The following CEP97 variants were observed in gnomAD, a reference collection of about 807,000 sequenced individuals.
The protein encoded by CEP97 is centrosomal protein 97.
Under a neutral mutation model 73.1 loss-of-function variants are expected in CEP97, and 43 were observed. That is an observed-to-expected ratio of 0.59 (90% CI 0.46 to 0.76). CEP97 has a LOEUF of 0.76. Ranked by LOEUF, CEP97 falls within the 30% of genes least tolerant of loss-of-function variation. The pLI is 0.00. For missense variants in CEP97, 939 were observed against 1,014.0 expected (o/e 0.93, Z 1.00); for synonymous variants, 337 against 370.0 (o/e 0.91, Z 1.02).
intron 6 of CEP97, among the ~76,000 whole-genome samples, chr3:101,740,724 G>T (rs769962508): frequency 1.8e-4 from 27 of 152,142 alleles, no homozygotes; most frequent in Admixed American, 1.0e-3. Flanking sequence ...CTAGTAGCTG[G>T]GATTACAGGC....
In CEP97 at chr3:101,738,011, C is replaced by CAAAAAAAAAA. The variant is rs770745532; in HGVS notation, c.728+5371_728+5380dup. ...GAATATTTACCAAACAAATGGAAAGCAAAAAAAAAAAAAAAAAAAAAAAGC... is the reference window on the plus strand; with the variant it reads ...GAATATTTACCAAACAAATGGAAAGCAAAAAAAAAAAAAAAAAAAAAAAAAAAAAAAAAGC... On this transcript the variant is annotated intron_variant, in intron 6 of 10. Transcript: ENST00000341893. 5.0e-4 allele frequency among the ~76,000 whole-genome samples: 22 copies of CAAAAAAAAAA among 44,222 alleles called. 1 individual carries two copies. The highest frequency in any genetic ancestry group is 6.5e-4 in the Admixed American group (2 of 3,090). The allele number at this position is 44,222 out of a possible 152,430, so 29.0% of individuals were successfully genotyped here.
intron 1 of CEP97, 69 bp from the exon 2 acceptor site, chr3:101,726,525 G>A (rs777012775): frequency 3.0e-5 from 35 of 1,154,728 alleles, no homozygotes; most frequent in Admixed American, 2.6e-4. Context: ...TATAATTCCA[G>A]CCCTATGCTT....
intron 2 of CEP97, among the ~76,000 whole-genome samples, chr3:101,726,960 A>G (rs1327970224): frequency 6.6e-6 from 1 of 152,192 alleles, no homozygotes; most frequent in Non-Finnish European, 1.5e-5. Context: ...TTATTTTGCA[A>G]AATACTGTGT....
chr3:101,748,151 A>AAG (rs1392023302), intron 6 of CEP97, among the ~76,000 whole-genome samples: 6 of 150,450 alleles, frequency 4.0e-5, no homozygotes, highest in African/African-American at 1.2e-4. Context: ...AAAAAAAAAA[A>AAG]AAAGATTAAT....
At chr3:101,757,325 C>T in intron 8 of CEP97, 129 bp downstream of exon 8, 7 of 978,514 alleles carry the variant, frequency 7.2e-6, no homozygotes, top group Non-Finnish European at 1.0e-5. Flanking sequence ...TCATTTAGAT[C>T]TTATACATAT....
chr3:101,749,344 A>G (rs1576690481), intron 6 of CEP97, among the ~76,000 whole-genome samples: 1 of 148,220 alleles, frequency 6.7e-6, no homozygotes, highest in Admixed American at 6.8e-5. Flanking sequence ...TTATGGCTGC[A>G]TAGTATTCCA....
intron 10 of CEP97, among the ~76,000 whole-genome samples, chr3:101,763,423 G>T (rs552444419): frequency 1.3e-5 from 2 of 151,496 alleles, no homozygotes; most frequent in African/African-American, 2.4e-5. Context: ...CAGCACTAGC[G>T]CATTACAGCC....
At chr3:101,758,492 A>G (rs1343361273) in intron 9 of CEP97, 69 bp downstream of exon 9, 12 of 1,550,034 alleles carry the variant, frequency 7.7e-6, no homozygotes, top group Middle Eastern at 3.4e-4. Context: ...TAGTTGATTC[A>G]GAACACTGTG....
chr3:101,735,849 C>T (rs545559167), intron 6 of CEP97, among the ~76,000 whole-genome samples: 2 of 152,102 alleles, frequency 1.3e-5, no homozygotes, highest in Non-Finnish European at 2.9e-5. Flanking sequence ...GAGACAGAAC[C>T]GTTCACTCCT....
rs761122915 is a variant in CEP97 at position 101,728,928 on chromosome 3, A to G, written c.438A>G (p.Val146=). 2 of 1,510,356 alleles carry G rather than the reference A, an allele frequency of 1.3e-6. No individual in the cohort carries two copies. Among genetic ancestry groups the G allele is most frequent in the Non-Finnish European group, 1.8e-6 (2 of 1,087,132 alleles). The allele number at this position is 1,510,356 out of a possible 1,614,324, so 93.6% of individuals were successfully genotyped here. A position where few individuals can be genotyped will look rare whatever the true frequency, so the allele number is the denominator to read the frequency against. Reference sequence around the variant, plus strand: ...AGATAGGTGATCTATCTAAATTGGTATCCCTGAAAGTAAGTATGTTTTCTT... The same window carrying G: ...AGATAGGTGATCTATCTAAATTGGTGTCCCTGAAAGTAAGTATGTTTTCTT... ...ISQIGDLSKL[V]SLKTLLLHGN... Residue 146 remains valine (V), a synonymous_variant, in exon 4 of 11, where the codon GTA becomes GTG. Coordinates refer to ENST00000341893, the MANE Select transcript of CEP97 (RefSeq NM_024548.4).
Position 101,727,587 on chromosome 3 carries a change from A to G in CEP97, c.345+46A>G, listed in dbSNP as rs76508572. ...TTACAAAACTATTCTGCGTAAAAAA[A>G]ATTCAAGCAATGTAGAAATAAGTCA... On this transcript the variant is annotated intron_variant, in intron 3 of 10. Coordinates refer to ENST00000341893, the MANE Select transcript of CEP97 (RefSeq NM_024548.4). The G allele has an allele frequency of 6.3e-3, 9,644 of 1,520,984 alleles. 34 individuals are homozygous for G. The highest frequency in any genetic ancestry group is 7.8e-3 in the Non-Finnish European group (8,742 of 1,126,424). 94.2% of individuals were successfully genotyped at this position (1,520,984 alleles called of 1,614,324 possible).
intron 6 of CEP97, among the ~76,000 whole-genome samples, chr3:101,743,580 C>T (rs1938521917): frequency 6.6e-6 from 1 of 152,014 alleles, no homozygotes; most frequent in Admixed American, 6.6e-5. Context: ...ATTTTTAGTT[C>T]AGATAAGGTT....
chr3:101,762,430 A>C (rs2107192493), intron 9 of CEP97, 55 bp from the exon 10 acceptor site: 3 of 1,079,488 alleles, frequency 2.8e-6, no homozygotes, highest in East Asian at 2.5e-5. Context: ...TGTAACAGGA[A>C]GTCTGAGTCA....
intron 9 of CEP97, among the ~76,000 whole-genome samples, chr3:101,759,677 A>G (rs1939116279): frequency 6.6e-6 from 1 of 152,192 alleles, no homozygotes; most frequent in Non-Finnish European, 1.5e-5. Context: ...GAGTCAGTCA[A>G]GGGCCAGTCT....
At chr3:101,744,004 C>CAA (rs36050896) in intron 6 of CEP97, among the ~76,000 whole-genome samples, 1,812 of 111,612 alleles carry the variant, frequency 0.016, 18 homozygotes, top group Middle Eastern at 0.027. Context: ...AACTCCGTCT[C>CAA]AAAAAAAAAA....
In CEP97 at chr3:101,765,307, C is replaced by T; in HGVS notation, c.2354C>T (p.Ala785Val). The T allele has an allele frequency of 6.2e-7, 1 of 1,614,126 alleles. No homozygotes were observed. Among genetic ancestry groups the T allele is most frequent in the Admixed American group, 1.7e-5 (1 of 60,028 alleles). The change falls in exon 11 of 11, where the codon GCT (alanine) becomes GTT (valine). Residue 785 changes from alanine (A) to valine (V), a missense_variant. Ala to Val is a moderately conservative substitution (Grantham distance 64, BLOSUM62 0). Coordinates refer to ENST00000341893, the MANE Select transcript of CEP97 (RefSeq NM_024548.4). Reference protein sequence around the residue: ...YLTSVQQLEDADERTNFDTET... With the variant: ...YLTSVQQLEDVDERTNFDTET... Reference sequence around the variant, plus strand: ...ACTTCAGTTCAACAGCTGGAAGATGCTGATGAGAGGACCAATTTTGATACA... The same window carrying T: ...ACTTCAGTTCAACAGCTGGAAGATGTTGATGAGAGGACCAATTTTGATACA...
At chr3:101,736,147 T>C (rs1464899354) in intron 6 of CEP97, among the ~76,000 whole-genome samples, 1 of 152,192 alleles carries the variant, frequency 6.6e-6, no homozygotes, top group Non-Finnish European at 1.5e-5. Context: ...CTTCTCTAGA[T>C]TCCTCCTCTC....
chr3:101,726,626 C>A lies in CEP97; in HGVS notation c.76C>A (p.Gln26Lys). The A allele has an allele frequency of 6.2e-7, 1 of 1,611,070 alleles. No individual in the cohort carries two copies. Among genetic ancestry groups the A allele is most frequent in the Non-Finnish European group, 8.5e-7 (1 of 1,178,308 alleles). Residue 26 changes from glutamine to lysine, a missense_variant, in exon 2 of 11, where the codon CAG (glutamine) becomes AAG (lysine). Coordinates refer to ENST00000341893, the MANE Select transcript of CEP97 (RefSeq NM_024548.4). Reference sequence around the variant, plus strand: ...GGTCAATTGGTCAGGACAGGGACTACAGAAATTAGGTCCAAATTTACCCTG... The same window carrying A: ...GGTCAATTGGTCAGGACAGGGACTAAAGAAATTAGGTCCAAATTTACCCTG... ...SVVNWSGQGL[Q>K]KLGPNLPCEA...
At chr3:101,734,960 A>G (rs1938227726) in intron 6 of CEP97, among the ~76,000 whole-genome samples, 1 of 152,340 alleles carries the variant, frequency 6.6e-6, no homozygotes, top group African/African-American at 2.4e-5. Flanking sequence ...GGCCTTGTCA[A>G]GTTCCTTAGG....
Sources: gnomAD v4.1 joint callset for allele counts (sites outside exome capture counted in the v4.1 genomes callset) on GRCh38, gnomAD v4.1.1 for gene constraint, MANE v1.5 for transcripts, NCBI Gene and HGNC (gene_info 2026-07-23, HGNC 2026-07-21) for gene names.